MYO3A: variants seen among roughly 807,000 people sequenced by gnomAD.
The protein encoded by MYO3A is myosin IIIA, also known as myosin-IIIa.
In MYO3A, 180 loss-of-function variants were observed where a neutral mutation model predicts 192.7. The observed-to-expected ratio is 0.93, with a 90% CI of 0.83 to 1.06. The LOEUF (loss-of-function observed/expected upper bound fraction) is 1.06. MYO3A is among the 50% of genes least tolerant of loss of function. The probability of loss-of-function intolerance (pLI) is 0.00; values close to 1 mark genes in which losing one functional copy is unlikely to be tolerated. For synonymous variants in MYO3A, 628 were observed against 645.3 expected, an observed-to-expected ratio of 0.97 and a Z score of 0.41; for missense variants, 1,896 against 1,905.0, an observed-to-expected ratio of 1.00 and a Z score of 0.09.
At chr10:26,097,846 TATGTGTGCATGTGTCTTTTTTGC>T (rs1837150359) in intron 17 of MYO3A, among the ~76,000 whole-genome samples, 1 of 152,146 alleles carries the variant, frequency 6.6e-6, no homozygotes, top group African/African-American at 2.4e-5. Flanking sequence ...ACAATAAACA[TATGTGTGCATGTGTCTTTTTTGC>T]ATGTGTGCAT....
At chr10:25,956,495 A>AT (rs562368305) in intron 4 of MYO3A, among the ~76,000 whole-genome samples, 1,337 of 128,792 alleles carry the variant, frequency 0.01, 13 homozygotes, top group African/African-American at 0.025. Flanking sequence ...GCCCAGCTAA[A>AT]TTTTTTTTTT....
chr10:25,978,700 A>C (rs2130781118), intron 4 of MYO3A, among the ~76,000 whole-genome samples: 1 of 152,340 alleles, frequency 6.6e-6, no homozygotes, highest in South Asian at 2.1e-4. Context: ...AGAATTATAG[A>C]TCCTATGTAG....
chr10:26,101,587 G>T (rs1236424187), intron 17 of MYO3A, among the ~76,000 whole-genome samples: 2 of 152,126 alleles, frequency 1.3e-5, no homozygotes, highest in East Asian at 3.9e-4. Context: ...TGTAAGGCAG[G>T]CCTGGTGGTG....
chr10:26,070,387 A>C lies in MYO3A; in HGVS notation c.1345A>C (p.Thr449Pro). The change falls in exon 14 of 35, where the codon ACA becomes CCA. Residue 449 changes from threonine (T) to proline (P), a missense_variant. Physicochemically the swap from Thr to Pro is conservative, Grantham distance 38 (BLOSUM62 -1). Transcript: ENST00000642920. ...TGCTCATCTTTTAGTTCAGCAGCTG[A>C]CAGTGCTTGGAAAGGTATAATTTAT... Reference protein sequence around the residue: ...ENAHLLVQQLTVLGKANNRTL... With the variant: ...ENAHLLVQQLPVLGKANNRTL... The C allele has an allele frequency of 6.2e-7, 1 of 1,612,878 alleles. No individual in the cohort carries two copies. Among genetic ancestry groups the C allele is most frequent in the Middle Eastern group, 1.7e-4 (1 of 6,054 alleles).
intron 20 of MYO3A, among the ~76,000 whole-genome samples, chr10:26,130,605 G>A (rs548934949): frequency 1.3e-5 from 2 of 152,230 alleles, no homozygotes; most frequent in South Asian, 2.1e-4. Flanking sequence ...ATTATACAAA[G>A]CATTTTGAGG....
At chr10:26,018,545 A>G (rs76866677) in intron 7 of MYO3A, among the ~76,000 whole-genome samples, 7 of 152,280 alleles carry the variant, frequency 4.6e-5, no homozygotes, top group Non-Finnish European at 8.8e-5. Flanking sequence ...TCACTTGAAA[A>G]GTGAAATTCT....
chr10:26,018,470 C>G (rs1842100009), intron 7 of MYO3A, among the ~76,000 whole-genome samples: 1 of 151,900 alleles, frequency 6.6e-6, no homozygotes. Context: ...ATATATTCAC[C>G]ATAATGGCAT....
rs1206514486 is a variant in MYO3A, at chr10:26,157,110, A to G, written c.2794-200A>G. ...TTCTAGTTACTGCCTCTACATTTTT[A>G]TAAGTAAATCTGTATTTTTTAGAAC... On this transcript the variant is annotated intron_variant, in intron 25 of 34. Coordinates refer to ENST00000642920, the MANE Select transcript of MYO3A (RefSeq NM_017433.5). Among the ~76,000 whole-genome samples the G allele has an allele frequency of 2.0e-5, 3 of 152,348 alleles. No homozygotes were observed. In the East Asian group the frequency reaches 5.8e-4, roughly 29 times the overall value.
Position 26,174,523 on chromosome 10 carries a change from G to A in MYO3A, c.4259G>A (p.Arg1420Lys), listed in dbSNP as rs772408696. 1.9e-6 allele frequency: 3 copies of A among 1,613,912 alleles called. No homozygotes were observed. The Admixed American group carries it at 5.0e-5, about 27-fold the overall frequency. The change falls in exon 30 of 35, where the codon AGA becomes AAA. Residue 1420 changes from arginine (R) to lysine (K), a missense_variant. Coordinates refer to ENST00000642920, the MANE Select transcript of MYO3A (RefSeq NM_017433.5). The stretch of plus-strand genomic sequence containing the variant: ...AAAGACTCGAAAGCAACTTCAGAAA[G>A]AGAAGCATGTGGTTTGGCAATTTTT... ...DNKDSKATSEREACGLAIFSK... is the reference protein window; with the variant it reads ...DNKDSKATSEKEACGLAIFSK...
intron 31 of MYO3A, among the ~76,000 whole-genome samples, chr10:26,191,066 C>T (rs1377386331): frequency 6.6e-6 from 1 of 152,070 alleles, no homozygotes; most frequent in Admixed American, 6.5e-5. Flanking sequence ...AAAATTTAGT[C>T]ACATACCACA....
At chr10:26,009,348 C>T (rs7476863) in intron 6 of MYO3A, among the ~76,000 whole-genome samples, 47,273 of 151,954 alleles carry the variant, frequency 0.31, 7,890 homozygotes, top group Middle Eastern at 0.45. Flanking sequence ...CTAACCTGCA[C>T]ATTGTGCACA....
In MYO3A at chr10:26,072,807, T is replaced by C. The variant is rs1316112028; in HGVS notation, c.1359+2406T>C. Among the ~76,000 whole-genome samples the C allele has an allele frequency of 3.3e-5, 5 of 152,132 alleles. No homozygotes were observed. The East Asian group carries it at 7.7e-4, about 23-fold the overall frequency. ...GGTACAGCCACTTTGGAAAACAGTT[T>C]GGATGTTTCTTATAAGCTCCACTTA... On this transcript the variant is annotated intron_variant, in intron 14 of 34. Coordinates refer to ENST00000642920, the MANE Select transcript of MYO3A (RefSeq NM_017433.5).
intron 10 of MYO3A, among the ~76,000 whole-genome samples, chr10:26,063,348 G>T (rs896310316): frequency 6.6e-6 from 1 of 152,106 alleles, no homozygotes; most frequent in Non-Finnish European, 1.5e-5. Flanking sequence ...TGATATTGTT[G>T]GTGTTGCATA....
chr10:26,008,485 C>G lies in MYO3A; in HGVS notation c.509-8335C>G, dbSNP rs546954107. Among the ~76,000 whole-genome samples the G allele has an allele frequency of 5.4e-4, 80 of 148,156 alleles. 3 individuals are homozygous for G. The Middle Eastern group carries it at 0.028, about 51-fold the overall frequency. On this transcript the variant is annotated intron_variant, in intron 6 of 34. Coordinates refer to ENST00000642920, the MANE Select transcript of MYO3A (RefSeq NM_017433.5). ...GAGAAAATTTTCGCAACCTACTCGT[C>G]TGACAAAGGGCTAATATCCAGAATC... is the stretch of plus-strand genomic sequence containing the variant.
chr10:26,154,786 C>A lies in MYO3A; in HGVS notation c.2756C>A (p.Thr919Asn). Residue 919 changes from threonine to asparagine, a missense_variant, in exon 25 of 35, where the codon ACC becomes AAC. Coordinates refer to ENST00000642920, the MANE Select transcript of MYO3A (RefSeq NM_017433.5). ...GEATRHARETTNMKTQTVASY... is the reference protein window; with the variant it reads ...GEATRHARETNNMKTQTVASY... The stretch of plus-strand genomic sequence containing the variant: ...GCCACACGTCATGCCAGAGAGACAA[C>A]CAACATGAAAACACAAACGGTTGCA... 1 of 1,613,766 alleles carries A rather than the reference C, an allele frequency of 6.2e-7. No homozygotes were observed. The highest frequency in any genetic ancestry group is 8.5e-7 in the Non-Finnish European group (1 of 1,179,816).
intron 19 of MYO3A, among the ~76,000 whole-genome samples, chr10:26,126,329 C>T (rs1839212493): frequency 6.6e-6 from 1 of 152,134 alleles, no homozygotes; most frequent in Non-Finnish European, 1.5e-5. Context: ...GGATGCCTAC[C>T]ATAAGATCAC....
intron 6 of MYO3A, among the ~76,000 whole-genome samples, chr10:26,001,416 C>T (rs1232527106): frequency 1.3e-5 from 2 of 152,180 alleles, no homozygotes; most frequent in East Asian, 3.8e-4. Flanking sequence ...GGGCAGATCC[C>T]CTGGGCCAGC....
chr10:25,944,783 T>G (rs1035560421), intron 2 of MYO3A, among the ~76,000 whole-genome samples: 5 of 152,078 alleles, frequency 3.3e-5, no homozygotes, highest in African/African-American at 1.2e-4. Flanking sequence ...TAGTTATTTA[T>G]GTCCTCTCTC....
chr10:26,040,353 A>C (rs1289185735), intron 10 of MYO3A, among the ~76,000 whole-genome samples: 2 of 152,152 alleles, frequency 1.3e-5, no homozygotes, highest in Admixed American at 6.5e-5. Context: ...AGAATTGTCT[A>C]TTTTGGAAAA....
Sources: gnomAD v4.1 joint callset for allele counts (sites outside exome capture counted in the v4.1 genomes callset) on GRCh38, gnomAD v4.1.1 for gene constraint, MANE v1.5 for transcripts, NCBI Gene and HGNC (gene_info 2026-07-23, HGNC 2026-07-21) for gene names.